The following UBE2E2 variants were observed in gnomAD, a reference collection of about 807,000 sequenced individuals.
UBE2E2 encodes the protein ubiquitin-conjugating enzyme E2 E2.
In UBE2E2, 6 loss-of-function variants were observed where a neutral mutation model predicts 24.7. That is an observed-to-expected ratio of 0.24 (90% confidence interval 0.13 to 0.48). The LOEUF is 0.48. UBE2E2 is among the 20% of genes least tolerant of loss of function. The pLI, the probability that UBE2E2 is intolerant of heterozygous loss-of-function variation, is 0.99. For synonymous variants in UBE2E2, 104 were observed against 83.6 expected, an observed-to-expected ratio of 1.24 and a Z score of -1.33; for missense variants, 169 against 245.0, an observed-to-expected ratio of 0.69 and a Z score of 2.07.
chr3:23,537,689 T>TC (rs1461982491), intron 5 of UBE2E2, among the ~76,000 whole-genome samples: 2 of 152,246 alleles, frequency 1.3e-5, no homozygotes, highest in African/African-American at 2.4e-5. Context: ...CTTAAGGCCC[T>TC]TTTTTTAAGC....
chr3:23,430,523 T>G (rs899614950), intron 3 of UBE2E2, among the ~76,000 whole-genome samples: 17 of 152,104 alleles, frequency 1.1e-4, no homozygotes, highest in Middle Eastern at 3.4e-3. Context: ...GCGTTTTTTT[T>G]GTTGTTTTTT....
At chr3:23,470,157 C>T (rs1699003703) in intron 3 of UBE2E2, among the ~76,000 whole-genome samples, 1 of 152,178 alleles carries the variant, frequency 6.6e-6, no homozygotes, top group South Asian at 2.1e-4. Flanking sequence ...ACCAGGAGGT[C>T]CTAAAATTGG....
At chr3:23,334,797 C>G (rs1158434061) in intron 3 of UBE2E2, among the ~76,000 whole-genome samples, 1 of 152,154 alleles carries the variant, frequency 6.6e-6, no homozygotes, top group African/African-American at 2.4e-5. Context: ...CATTCAGCCA[C>G]AGGCTTTGGA....
chr3:23,589,122 G>A lies in UBE2E2; in HGVS notation c.509-612G>A, dbSNP rs1028438988. Among the ~76,000 whole-genome samples, 5 of 152,000 alleles carry A rather than the reference G, an allele frequency of 3.3e-5. No individual in the cohort carries two copies. Among genetic ancestry groups the A allele is most frequent in the Non-Finnish European group, 5.9e-5 (4 of 67,994 alleles). ...CCCACAGCCCACCTGCATTTTCTCC[G>A]TGAAATATCTACTTGAAGACAGGCA... On this transcript the variant is annotated intron_variant, in intron 5 of 5. Coordinates refer to ENST00000396703, the MANE Select transcript of UBE2E2 (RefSeq NM_152653.4). The surrounding 1 kb of genome is among the most constrained non-coding windows in gnomAD (Gnocchi z 4.1).
intron 3 of UBE2E2, among the ~76,000 whole-genome samples, chr3:23,335,825 C>T (rs573156188): frequency 3.0e-4 from 45 of 152,314 alleles, no homozygotes; most frequent in South Asian, 1.9e-3. Flanking sequence ...TGAGCCACCA[C>T]GTCCAGCCTT....
intron 3 of UBE2E2, among the ~76,000 whole-genome samples, chr3:23,371,075 G>A (rs984202488): frequency 3.9e-5 from 6 of 151,984 alleles, no homozygotes; most frequent in Admixed American, 3.9e-4. Context: ...CATTGCCTAG[G>A]CTTGAGTGCA....
chr3:23,235,627 A>G (rs1401397262), intron 3 of UBE2E2, among the ~76,000 whole-genome samples: 2 of 152,162 alleles, frequency 1.3e-5, no homozygotes, highest in Non-Finnish European at 2.9e-5. Flanking sequence ...AGATTATGGC[A>G]GTAGCAGTGG....
intron 3 of UBE2E2, among the ~76,000 whole-genome samples, chr3:23,284,826 A>T (rs1243807668): frequency 6.6e-6 from 1 of 151,808 alleles, no homozygotes; most frequent in Admixed American, 6.6e-5. Context: ...TTGTGTTTCA[A>T]GTAATCCAGT....
intron 3 of UBE2E2, among the ~76,000 whole-genome samples, chr3:23,453,227 G>C (rs778523): frequency 0.67 from 102,114 of 152,032 alleles, 36,239 homozygotes; most frequent in African/African-American, 0.91. Flanking sequence ...TTAAATCAAC[G>C]TAGTTGTGGT....
At chr3:23,417,142 G>A (rs754924165) in intron 3 of UBE2E2, among the ~76,000 whole-genome samples, 2 of 152,138 alleles carry the variant, frequency 1.3e-5, no homozygotes, top group Non-Finnish European at 2.9e-5. Flanking sequence ...TCTGGTTTTT[G>A]GAATTCTCAG....
At chr3:23,336,730 G>A (rs1398861161) in intron 3 of UBE2E2, among the ~76,000 whole-genome samples, 1 of 152,154 alleles carries the variant, frequency 6.6e-6, no homozygotes, top group African/African-American at 2.4e-5. Context: ...AAAAATAGTT[G>A]ATTATGCTTT....
intron 5 of UBE2E2, among the ~76,000 whole-genome samples, chr3:23,541,025 T>C (rs1695385731): frequency 6.6e-6 from 1 of 152,222 alleles, no homozygotes; most frequent in Non-Finnish European, 1.5e-5. Context: ...GTTATGGAAA[T>C]TCCAATCTGA....
At chr3:23,349,777 G>A (rs1197483879) in intron 3 of UBE2E2, among the ~76,000 whole-genome samples, 2 of 152,250 alleles carry the variant, frequency 1.3e-5, no homozygotes, top group African/African-American at 4.8e-5. Flanking sequence ...AGGCCTGCCT[G>A]CCTCTGTAGG....
intron 3 of UBE2E2, among the ~76,000 whole-genome samples, chr3:23,448,715 C>G (rs1005029338): frequency 6.6e-6 from 1 of 151,838 alleles, no homozygotes. Flanking sequence ...TTTCTTTATC[C>G]TCATCTTTCT....
rs1230509053 is a variant in UBE2E2, at chr3:23,546,499, GT to G, written c.508+13802del. Among the ~76,000 whole-genome samples, 4 of 102,842 alleles carry G rather than the reference GT, an allele frequency of 3.9e-5. No homozygotes were observed. The East Asian group carries it at 1.2e-3, about 32-fold the overall frequency. The allele number at this position is 102,842 out of a possible 152,430, so 67.5% of individuals were successfully genotyped here. On this transcript the variant is annotated intron_variant, in intron 5 of 5. Coordinates refer to ENST00000396703, the MANE Select transcript of UBE2E2 (RefSeq NM_152653.4). The stretch of plus-strand genomic sequence containing the variant: ...TTTTTTTTTTTTTTTTGGATTCGGA[GT>G]TTTACTCTTGTTGCCCAGGCTGGAG...
chr3:23,386,588 A>G (rs1196227672), intron 3 of UBE2E2, among the ~76,000 whole-genome samples: 4 of 152,236 alleles, frequency 2.6e-5, no homozygotes, highest in Non-Finnish European at 5.9e-5. Flanking sequence ...CAATTCAGCT[A>G]TTATATTTAT....
chr3:23,206,368 G>A, intron 1 of UBE2E2, among the ~76,000 whole-genome samples: 1 of 152,196 alleles, frequency 6.6e-6, no homozygotes. Context: ...CAAGAAATAT[G>A]TTACGACTTT....
At chr3:23,470,869 C>G (rs1253628638) in intron 3 of UBE2E2, among the ~76,000 whole-genome samples, 1 of 151,758 alleles carries the variant, frequency 6.6e-6, no homozygotes, top group Non-Finnish European at 1.5e-5. Flanking sequence ...GTTCTTGGCC[C>G]AAATTGTCTC....
At chr3:23,567,588 A>G (rs1176589569) in intron 5 of UBE2E2, among the ~76,000 whole-genome samples, 1 of 152,186 alleles carries the variant, frequency 6.6e-6, no homozygotes, top group Admixed American at 6.5e-5. Context: ...AACCCCAAAA[A>G]GTGGCACCAG....
Sources: allele counts gnomAD v4.1 joint callset (sites outside exome capture counted in the v4.1 genomes callset), GRCh38; gene constraint gnomAD v4.1.1; non-coding constraint Gnocchi (gnomAD v3.1); transcripts MANE v1.5; gene names NCBI Gene and HGNC (gene_info 2026-07-23, HGNC 2026-07-21).